The following PPP2CB variants were observed in gnomAD, a reference collection of about 807,000 sequenced individuals.
The protein encoded by PPP2CB is protein phosphatase 2 catalytic subunit beta.
PPP2CB carries 18 observed loss-of-function variants against 39.1 expected under a neutral mutation model. The observed-to-expected ratio is 0.46, with a 90% CI of 0.32 to 0.68. The LOEUF is 0.68. Among genes scored for constraint, PPP2CB ranks in the 30% least tolerant of loss-of-function variants. PPP2CB has a pLI of 0.04. For synonymous variants in PPP2CB, 129 were observed against 133.8 expected (o/e 0.96, Z 0.25); for missense variants, 226 against 396.9 (o/e 0.57, Z 3.66).
In PPP2CB at chr8:30,812,426, G is replaced by A. The variant is rs1174580899; in HGVS notation, c.-5C>T. 13 of 1,522,776 alleles carry A rather than the reference G, an allele frequency of 8.5e-6. No homozygotes were observed. The highest frequency in any genetic ancestry group is 1.1e-5 in the Non-Finnish European group (13 of 1,132,020). The allele number at this position is 1,522,776 out of a possible 1,614,324, so 94.3% of individuals were successfully genotyped here. On this transcript the variant is annotated 5_prime_UTR_variant, in exon 1 of 7. Coordinates refer to ENST00000221138, the MANE Select transcript of PPP2CB (RefSeq NM_001009552.2). ...GGTGAACGCCTTGTCGTCCATGGCG[G>A]CCCGATCCCGATGCGGATCCCGAGC...
intron 1 of PPP2CB, among the ~76,000 whole-genome samples, chr8:30,808,812 A>T (rs1403544256): frequency 6.6e-6 from 1 of 151,718 alleles, no homozygotes; most frequent in Non-Finnish European, 1.5e-5. Flanking sequence ...ACATCTATTC[A>T]TTTTGCATTT....
chr8:30,791,851 TAC>T (rs1436099351), intron 5 of PPP2CB, among the ~76,000 whole-genome samples: 2 of 150,568 alleles, frequency 1.3e-5, no homozygotes, highest in Non-Finnish European at 3.0e-5. Flanking sequence ...TATGTATATA[TAC>T]GTGTATATAT....
chr8:30,791,913 TAC>T (rs1197676083), intron 5 of PPP2CB, among the ~76,000 whole-genome samples: 2 of 151,916 alleles, frequency 1.3e-5, no homozygotes, highest in African/African-American at 4.8e-5. Flanking sequence ...CATGTGTATA[TAC>T]ATACACGTAT....
At chr8:30,798,860 C>A (rs1177936287) in intron 2 of PPP2CB, among the ~76,000 whole-genome samples, 10 of 152,164 alleles carry the variant, frequency 6.6e-5, no homozygotes, top group Non-Finnish European at 7.3e-5. Context: ...GAGACCTGAG[C>A]TGAGTCTTGG....
At chr8:30,799,882 A>G (rs894721145) in intron 1 of PPP2CB, 127 bp from the exon 2 acceptor site, 4 of 686,636 alleles carry the variant, frequency 5.8e-6, no homozygotes, top group African/African-American at 5.4e-5. Flanking sequence ...CCAAACCACG[A>G]GATAACACTT....
In PPP2CB at chr8:30,785,903, CTA is replaced by C. The variant is rs1397648242; in HGVS notation, c.*330_*331del. 1 of 470,142 alleles carries C rather than the reference CTA, an allele frequency of 2.1e-6. No homozygotes were observed. Among genetic ancestry groups the C allele is most frequent in the African/African-American group, 2.0e-5 (1 of 50,608 alleles). The allele number at this position is 470,142 out of a possible 1,614,324, so 29.1% of individuals were successfully genotyped here. The stretch of plus-strand genomic sequence containing the variant: ...TCTATTAATCCATGCCAGTTAAACA[CTA>C]TAACTAAAATTTCCAAATAAGCGCA... On this transcript the variant is annotated 3_prime_UTR_variant, in exon 7 of 7. Transcript: ENST00000221138.
intron 1 of PPP2CB, among the ~76,000 whole-genome samples, chr8:30,806,628 A>C (rs1480412189): frequency 6.6e-6 from 1 of 152,248 alleles, no homozygotes; most frequent in Non-Finnish European, 1.5e-5. Flanking sequence ...ACAATCTAGG[A>C]AAATTAATTA....
intron 6 of PPP2CB, among the ~76,000 whole-genome samples, chr8:30,786,950 C>G (rs918533999): frequency 2.6e-4 from 39 of 152,252 alleles, no homozygotes; most frequent in Admixed American, 5.9e-4. Context: ...CAGGCGTGAG[C>G]CACCGCGCCA....
At chr8:30,790,358 A>G (rs1014817765) in intron 6 of PPP2CB, among the ~76,000 whole-genome samples, 11 of 152,162 alleles carry the variant, frequency 7.2e-5, no homozygotes, top group African/African-American at 2.4e-4. Flanking sequence ...GTTGAACAAC[A>G]TGTTGCTCTG....
intron 1 of PPP2CB, among the ~76,000 whole-genome samples, chr8:30,801,518 A>T (rs1806626936): frequency 6.7e-6 from 1 of 148,644 alleles, no homozygotes; most frequent in Admixed American, 6.7e-5. Context: ...TGGGCGACAG[A>T]GCAAAACTCA....
intron 1 of PPP2CB, among the ~76,000 whole-genome samples, chr8:30,800,629 GC>G (rs978056741): frequency 3.0e-4 from 46 of 152,164 alleles, no homozygotes; most frequent in Non-Finnish European, 1.3e-4. Context: ...CATCGATCTG[GC>G]CTCTCTGCCT....
chr8:30,812,715 C>T lies in PPP2CB; in HGVS notation c.-294G>A. The T allele has an allele frequency of 2.2e-6, 1 of 449,990 alleles. No individual in the cohort carries two copies. Among genetic ancestry groups the T allele is most frequent in the African/African-American group, 2.1e-5 (1 of 47,790 alleles). 27.9% of individuals were successfully genotyped at this position (449,990 alleles called of 1,614,324 possible). On this transcript the variant is annotated 5_prime_UTR_variant, in exon 1 of 7. Coordinates refer to ENST00000221138, the MANE Select transcript of PPP2CB (RefSeq NM_001009552.2). ...CGCGGTGAGGTGCCGGGGAGCGCGG[C>T]GCGGGTCCTCGGCCTAGCTCTCGCC...
At chr8:30,795,474 A>T (rs898186073) in intron 3 of PPP2CB, among the ~76,000 whole-genome samples, 2 of 152,046 alleles carry the variant, frequency 1.3e-5, no homozygotes, top group Admixed American at 6.6e-5. Context: ...TATCCACTTA[A>T]TATTATTATT....
intron 6 of PPP2CB, among the ~76,000 whole-genome samples, chr8:30,790,412 C>T (rs1806411363): frequency 6.6e-6 from 1 of 152,120 alleles, no homozygotes; most frequent in Admixed American, 6.6e-5. Context: ...CTATTACAGC[C>T]CTCTTAATTG....
intron 5 of PPP2CB, 77 bp downstream of exon 5, chr8:30,793,840 T>TAAA: frequency 7.1e-7 from 1 of 1,409,210 alleles, no homozygotes; most frequent in Non-Finnish European, 9.4e-7. Flanking sequence ...GAATGTTTCT[T>TAAA]AGTTAAGTCA....
intron 1 of PPP2CB, among the ~76,000 whole-genome samples, chr8:30,806,724 G>A (rs186412980): frequency 4.2e-4 from 64 of 152,038 alleles, no homozygotes; most frequent in Non-Finnish European, 7.6e-4. Context: ...TATAACATTC[G>A]TACTGAAGAG....
rs1274820281 is a variant in PPP2CB at position 30,793,605 on chromosome 8, T to C, written c.738+312A>G. On this transcript the variant is annotated intron_variant, in intron 5 of 6. Coordinates refer to ENST00000221138, the MANE Select transcript of PPP2CB (RefSeq NM_001009552.2). ...ATGGTTCAGAAGAAAGTGTGAGGGG[T>C]GAAGAGGAAGAGAGACACAAAATGA... The C allele has an allele frequency of 6.3e-5, 13 of 207,220 alleles. No homozygotes were observed. The Admixed American group carries it at 6.4e-4, about 10-fold the overall frequency. The allele number at this position is 207,220 out of a possible 1,614,324, so 12.8% of individuals were successfully genotyped here.
chr8:30,812,241 G>T (rs934693820), intron 1 of PPP2CB, 79 bp downstream of exon 1: 14 of 1,113,948 alleles, frequency 1.3e-5, no homozygotes, highest in Non-Finnish European at 1.5e-5. Context: ...GGCCAGGGGC[G>T]GACGGGACCG....
At chr8:30,802,734 G>T (rs960524558) in intron 1 of PPP2CB, among the ~76,000 whole-genome samples, 3 of 152,102 alleles carry the variant, frequency 2.0e-5, no homozygotes, top group Non-Finnish European at 4.4e-5. Context: ...ATTCCAGATG[G>T]CAGTAATTAT....
Sources: gnomAD v4.1 joint callset for allele counts (sites outside exome capture counted in the v4.1 genomes callset) on GRCh38, gnomAD v4.1.1 for gene constraint, MANE v1.5 for transcripts, NCBI Gene and HGNC (gene_info 2026-07-23, HGNC 2026-07-21) for gene names.